TENM3: variants seen among roughly 807,000 people sequenced by gnomAD.
TENM3 encodes teneurin transmembrane protein 3.
In TENM3, 63 loss-of-function variants were observed where a neutral mutation model predicts 255.1. That is an observed-to-expected ratio of 0.25 (90% confidence interval 0.20 to 0.30). The LOEUF (loss-of-function observed/expected upper bound fraction) is 0.30. Ranked by LOEUF, TENM3 falls within the 10% of genes least tolerant of loss-of-function variation. The pLI, the probability that TENM3 is intolerant of heterozygous loss-of-function variation, is 1.00. For synonymous variants in TENM3, 1,306 were observed against 1,322.3 expected, an observed-to-expected ratio of 0.99 and a Z score of 0.27; for missense variants, 2,929 against 3,461.1, an observed-to-expected ratio of 0.85 and a Z score of 3.86.
the TENM3 span, among the ~76,000 whole-genome samples, chr4:181,756,049 G>T: frequency 6.6e-6 from 1 of 152,160 alleles, no homozygotes; most frequent in East Asian, 1.9e-4. Flanking sequence ...GAGTGTCTCT[G>T]TGCTAGAGGA....
intron 1 of TENM3, among the ~76,000 whole-genome samples, chr4:182,263,457 C>T (rs998673489): frequency 2.6e-5 from 4 of 152,214 alleles, no homozygotes; most frequent in African/African-American, 9.6e-5. Flanking sequence ...CTATAAAGTC[C>T]GCCTCTGCTA....
intron 19 of TENM3, among the ~76,000 whole-genome samples, chr4:182,746,041 T>C (rs1371625848): frequency 2.0e-5 from 3 of 152,208 alleles, no homozygotes; most frequent in Non-Finnish European, 2.9e-5. Context: ...GGATATTTAA[T>C]TACATGAAAT....
chr4:181,459,211 A>G, the TENM3 span, among the ~76,000 whole-genome samples: 4 of 151,882 alleles, frequency 2.6e-5, no homozygotes, highest in African/African-American at 9.7e-5. Context: ...TTTGTAAAGT[A>G]CCTGTTCAAC....
chr4:181,562,368 A>G, the TENM3 span, among the ~76,000 whole-genome samples: 3 of 152,170 alleles, frequency 2.0e-5, no homozygotes, highest in Non-Finnish European at 4.4e-5. Flanking sequence ...AATGTACTAT[A>G]TCAGCTAAGG....
chr4:182,751,765 C>A, intron 19 of TENM3, 35 bp from the exon 20 acceptor site: 1 of 1,480,678 alleles, frequency 6.8e-7, no homozygotes. Context: ...TTAGGAGTAA[C>A]TCCCTTTGAT....
intron 1 of TENM3, among the ~76,000 whole-genome samples, chr4:182,195,022 ATCACACACAC>A (rs1753752050): frequency 1.0e-5 from 1 of 95,580 alleles, no homozygotes; most frequent in South Asian, 4.0e-4. Flanking sequence ...CACAGTCTCT[ATCACACACAC>A]ACACACACAC....
intron 3 of TENM3, among the ~76,000 whole-genome samples, chr4:182,409,026 T>TA (rs1769782618): frequency 6.6e-6 from 1 of 152,206 alleles, no homozygotes; most frequent in African/African-American, 2.4e-5. Flanking sequence ...TTCAGATAAC[T>TA]AAAAATTGCT....
chr4:182,415,202 A>G (rs1770281499), intron 3 of TENM3, among the ~76,000 whole-genome samples: 3 of 152,248 alleles, frequency 2.0e-5, no homozygotes, highest in Admixed American at 2.0e-4. Flanking sequence ...CTTTCTGACC[A>G]CAGCGGTTTT....
intron 1 of TENM3, among the ~76,000 whole-genome samples, chr4:182,230,520 T>G (rs1756489626): frequency 6.6e-6 from 1 of 151,900 alleles, no homozygotes; most frequent in Non-Finnish European, 1.5e-5. Flanking sequence ...GTGCTTGCAA[T>G]AGAGCAGTGA....
chr4:182,734,499 T>G (rs1011166275), intron 16 of TENM3, among the ~76,000 whole-genome samples: 1 of 152,188 alleles, frequency 6.6e-6, no homozygotes, highest in Non-Finnish European at 1.5e-5. Context: ...AACAGGCTGT[T>G]CTTGTGAAGT....
chr4:182,597,131 A>G (rs1004118825), intron 3 of TENM3, among the ~76,000 whole-genome samples: 7 of 152,216 alleles, frequency 4.6e-5, no homozygotes, highest in Admixed American at 1.3e-4. Context: ...AGCCAGGTAC[A>G]GATCCTCACA....
At chr4:182,067,322 T>C in the TENM3 span, among the ~76,000 whole-genome samples, 1 of 152,098 alleles carries the variant, frequency 6.6e-6, no homozygotes, top group African/African-American at 2.4e-5. Context: ...AAGGACCTGA[T>C]AGTGTTCCGC....
chr4:182,217,301 G>A (rs541072641), intron 1 of TENM3, among the ~76,000 whole-genome samples: 4 of 152,058 alleles, frequency 2.6e-5, no homozygotes, highest in East Asian at 3.9e-4. Context: ...GATTACAGAC[G>A]TGAGCCACCG....
intron 4 of TENM3, among the ~76,000 whole-genome samples, chr4:182,619,148 C>T (rs1356393669): frequency 6.6e-6 from 1 of 152,086 alleles, no homozygotes; most frequent in Admixed American, 6.5e-5. Context: ...AGCTAGAAGG[C>T]CAGGTGTGGT....
rs1189301863 is a variant in TENM3, at chr4:182,739,783, C to G, written c.3379+1239C>G. On this transcript the variant is annotated intron_variant, in intron 18 of 27. Transcript: ENST00000511685. ...TGATGCAGTGGCTTATGCCTGTAAT[C>G]TCAGCACTTCAGGAGGCCAAGGCAG... Among the ~76,000 whole-genome samples the G allele has an allele frequency of 2.6e-5, 4 of 152,192 alleles. No homozygotes were observed. In the East Asian group the frequency reaches 7.7e-4, roughly 29 times the overall value.
chr4:182,385,287 C>T (rs1439219024), intron 3 of TENM3, among the ~76,000 whole-genome samples: 18 of 89,180 alleles, frequency 2.0e-4, no homozygotes, highest in African/African-American at 5.6e-4. Context: ...TTTTTTGAGA[C>T]GGCGTCTCGC....
the TENM3 span, among the ~76,000 whole-genome samples, chr4:181,611,256 C>T: frequency 6.6e-6 from 1 of 152,190 alleles, no homozygotes; most frequent in Non-Finnish European, 1.5e-5. Flanking sequence ...TATTTCCAAG[C>T]TTTATTGCTA....
chr4:181,474,999 TAGC>T, the TENM3 span, among the ~76,000 whole-genome samples: 94 of 152,250 alleles, frequency 6.2e-4, no homozygotes, highest in African/African-American at 2.2e-3. Flanking sequence ...TTAAAATGAA[TAGC>T]AGCATAGTCC....
the TENM3 span, among the ~76,000 whole-genome samples, chr4:181,954,641 A>T: frequency 2.6e-5 from 4 of 152,228 alleles, no homozygotes; most frequent in Admixed American, 2.6e-4. Flanking sequence ...TGCTTCGGTT[A>T]TATATTCTGA....
Sources: gnomAD v4.1 joint callset for allele counts (sites outside exome capture counted in the v4.1 genomes callset) on GRCh38, gnomAD v4.1.1 for gene constraint, MANE v1.5 for transcripts, NCBI Gene and HGNC (gene_info 2026-07-23, HGNC 2026-07-21) for gene names.